Variants in POC1A observed in about 807,000 individuals in gnomAD.
POC1A encodes the protein POC1 centriolar protein homolog A.
POC1A carries 34 observed loss-of-function variants against 47.8 expected under a neutral mutation model. The ratio of observed to expected loss-of-function variants is 0.71; its 90% CI spans 0.54 to 0.95. The LOEUF (loss-of-function observed/expected upper bound fraction) is 0.95. Ranked by LOEUF, POC1A falls within the 40% of genes least tolerant of loss-of-function variation. The pLI is 0.00. For missense variants in POC1A, 466 were observed against 528.3 expected (o/e 0.88, Z 1.16); for synonymous variants, 177 against 207.6 (o/e 0.85, Z 1.27).
At chr3:52,094,909 CTGCGA>C (rs1313181076) in intron 10 of POC1A, among the ~76,000 whole-genome samples, 1 of 152,220 alleles carries the variant, frequency 6.6e-6, no homozygotes, top group Non-Finnish European at 1.5e-5. Context: ...CACTTACTCT[CTGCGA>C]TGCAAGTTTT....
At position 52,098,053 on chromosome 3, in the gene POC1A, C is replaced by CA. The variant is rs1702880473; in HGVS notation, c.982-1342dup. ...AGTGCAGTGGTGAGGAATGGTGACT[C>CA]AGACAGTCACTGACCAGCTCTGGGC... On this transcript the variant is annotated intron_variant, in intron 9 of 10. Coordinates refer to ENST00000296484, the MANE Select transcript of POC1A (RefSeq NM_015426.5). Among the ~76,000 whole-genome samples the CA allele has an allele frequency of 2.6e-5, 4 of 152,186 alleles. No homozygotes were observed. In the South Asian group the frequency reaches 8.3e-4, roughly 31 times the overall value.
At chr3:52,098,823 C>T (rs1036562719) in intron 9 of POC1A, among the ~76,000 whole-genome samples, 1 of 152,232 alleles carries the variant, frequency 6.6e-6, no homozygotes, top group Non-Finnish European at 1.5e-5. Flanking sequence ...TTTAATGTCA[C>T]CTCACTTAAT....
intron 9 of POC1A, among the ~76,000 whole-genome samples, chr3:52,117,583 TCC>T (rs1277572812): frequency 1.3e-5 from 2 of 152,130 alleles, no homozygotes; most frequent in African/African-American, 4.8e-5. Context: ...AGATGAGCTT[TCC>T]TCCTTAAAAT....
At chr3:52,098,182 A>G (rs1702883914) in intron 9 of POC1A, among the ~76,000 whole-genome samples, 1 of 152,214 alleles carries the variant, frequency 6.6e-6, no homozygotes, top group Non-Finnish European at 1.5e-5. Flanking sequence ...GCCTTTCTTA[A>G]GAAATGTTCA....
At chr3:52,119,224 G>A (rs763684707) in intron 9 of POC1A, among the ~76,000 whole-genome samples, 4 of 151,756 alleles carry the variant, frequency 2.6e-5, no homozygotes, top group Non-Finnish European at 2.9e-5. Flanking sequence ...CCTCATCCCC[G>A]TGCTCCTCCC....
chr3:52,096,602 C>T lies in POC1A; in HGVS notation c.1092G>A (p.Glu364=), dbSNP rs1028499198. 1.2e-6 allele frequency: 2 copies of T among 1,605,980 alleles called. No homozygotes were observed. Among genetic ancestry groups the T allele is most frequent in the Non-Finnish European group, 1.7e-6 (2 of 1,176,326 alleles). Residue 364 remains glutamate, a synonymous_variant, in exon 10 of 11, where the codon GAG becomes GAA. Coordinates refer to ENST00000296484, the MANE Select transcript of POC1A (RefSeq NM_015426.5). ...SVPQTLTSTL[E]HIVGQLDVLT... is the part of the protein sequence containing the mutation. The stretch of plus-strand genomic sequence containing the variant: ...GGACATCCAGCTGGCCCACAATGTG[C>T]TCCAGCGTGCTAGTCAGTGTCTGGG...
intron 9 of POC1A, among the ~76,000 whole-genome samples, chr3:52,115,485 G>A (rs1042815985): frequency 2.6e-5 from 4 of 152,124 alleles, no homozygotes; most frequent in Non-Finnish European, 4.4e-5. Context: ...CTCATTAAGC[G>A]ACCCAAGTCC....
At chr3:52,117,960 C>A (rs879834224) in intron 9 of POC1A, among the ~76,000 whole-genome samples, 4 of 152,210 alleles carry the variant, frequency 2.6e-5, no homozygotes, top group Non-Finnish European at 5.9e-5. Flanking sequence ...GGTCTTTATG[C>A]CTCGGGGTCA....
At chr3:52,149,459 G>A in intron 3 of POC1A, 70 bp from the exon 4 acceptor site, 3 of 1,429,706 alleles carry the variant, frequency 2.1e-6, no homozygotes, top group Non-Finnish European at 2.9e-6. Flanking sequence ...GCACATCAAA[G>A]CTCTCCTACT....
At chr3:52,134,970 C>A (rs1249504173) in intron 7 of POC1A, among the ~76,000 whole-genome samples, 4 of 152,174 alleles carry the variant, frequency 2.6e-5, no homozygotes, top group Non-Finnish European at 5.9e-5. Context: ...AGGACCCCAC[C>A]ACATCGCCAC....
intron 9 of POC1A, among the ~76,000 whole-genome samples, chr3:52,099,882 A>G (rs1448340847): frequency 6.6e-6 from 1 of 152,182 alleles, no homozygotes; most frequent in East Asian, 1.9e-4. Context: ...TAAAATAACA[A>G]CAAAGATTAA....
intron 6 of POC1A, among the ~76,000 whole-genome samples, chr3:52,142,113 G>A (rs1698217444): frequency 6.6e-6 from 1 of 152,230 alleles, no homozygotes; most frequent in Non-Finnish European, 1.5e-5. Context: ...GTGTGACTGT[G>A]GGCTGCATGC....
intron 10 of POC1A, among the ~76,000 whole-genome samples, chr3:52,093,100 C>T (rs550959556): frequency 1.3e-5 from 2 of 152,238 alleles, no homozygotes; most frequent in Non-Finnish European, 2.9e-5. Flanking sequence ...TGCCTAGTGT[C>T]CCGTCAGGTG....
Position 52,079,293 on chromosome 3 carries a change from G to A in POC1A, c.1126-3308C>T, listed in dbSNP as rs932714459. On this transcript the variant is annotated intron_variant, in intron 10 of 10. Transcript: ENST00000296484. The surrounding 1 kb of genome is among the most constrained non-coding windows in gnomAD (Gnocchi z 4.6). The stretch of plus-strand genomic sequence containing the variant: ...GCTGCCTAGTGGCCCAACTCCCAGC[G>A]GGGCCCAGCCAAGCAGGCTGCTCTC... Among the ~76,000 whole-genome samples the A allele has an allele frequency of 6.6e-6, 1 of 152,300 alleles. No homozygotes were observed. Among genetic ancestry groups the A allele is most frequent in the African/African-American group, 2.4e-5 (1 of 41,562 alleles).
At chr3:52,122,259 G>A in intron 9 of POC1A, 120 bp downstream of exon 9, 3 of 618,422 alleles carry the variant, frequency 4.9e-6, no homozygotes, top group Non-Finnish European at 5.8e-6. Context: ...ATCTTGCTAG[G>A]GTCCCTTTCC....
chr3:52,122,825 CAG>C (rs1553743455), intron 8 of POC1A, among the ~76,000 whole-genome samples: 2 of 152,278 alleles, frequency 1.3e-5, no homozygotes, highest in Non-Finnish European at 2.9e-5. Context: ...ACCACCTTCT[CAG>C]AGAGGCCTTC....
intron 10 of POC1A, 46 bp from the exon 11 acceptor site, chr3:52,076,031 G>A (rs1249206883): frequency 1.4e-6 from 2 of 1,462,772 alleles, no homozygotes; most frequent in Admixed American, 1.7e-5. Flanking sequence ...AGGGCCGCCA[G>A]GCTGCTCTAG....
At chr3:52,092,360 C>T (rs915473070) in intron 10 of POC1A, among the ~76,000 whole-genome samples, 5 of 152,154 alleles carry the variant, frequency 3.3e-5, no homozygotes. Flanking sequence ...CTAACTGCAC[C>T]AAAACTGTTT....
In POC1A at chr3:52,149,210, T is replaced by C. The variant is rs879210676; in HGVS notation, c.455A>G (p.Lys152Arg). ...GGTCTCCAGACAGAACAATGCTCACTTGGCACAGCGGACCCAGTTGATATG... is the reference window on the plus strand; with the variant it reads ...GGTCTCCAGACAGAACAATGCTCACCTGGCACAGCGGACCCAGTTGATATG... ...SQHINWVRCAKFSPDGRLIVS... is the reference protein window; with the variant it reads ...SQHINWVRCARFSPDGRLIVS... Residue 152 changes from lysine to arginine, a missense_variant and splice_region_variant, in exon 4 of 11, where the codon AAG becomes AGG. Physicochemically the swap from Lys to Arg is conservative, Grantham distance 26. Transcript: ENST00000296484. 6.2e-7 allele frequency: 1 copy of C among 1,613,976 alleles called. No individual in the cohort carries two copies. The highest frequency in any genetic ancestry group is 1.1e-5 in the South Asian group (1 of 91,074).
Sources: allele counts gnomAD v4.1 joint callset (sites outside exome capture counted in the v4.1 genomes callset), GRCh38; gene constraint gnomAD v4.1.1; non-coding constraint Gnocchi (gnomAD v3.1); transcripts MANE v1.5; gene names NCBI Gene and HGNC (gene_info 2026-07-23, HGNC 2026-07-21).